The following HECW2 variants were observed in gnomAD, a reference collection of about 807,000 sequenced individuals.
The protein encoded by HECW2 is HECT, C2 and WW domain containing E3 ubiquitin protein ligase 2, also known as E3 ubiquitin-protein ligase HECW2.
Under a neutral mutation model 175.2 loss-of-function variants are expected in HECW2, and 61 were observed. That is an observed-to-expected ratio of 0.35 (90% CI 0.28 to 0.43). The LOEUF (loss-of-function observed/expected upper bound fraction) is 0.43. Among genes scored for constraint, HECW2 ranks in the 20% least tolerant of loss-of-function variants. The pLI is 1.00. For synonymous variants in HECW2, 671 were observed against 731.0 expected, an observed-to-expected ratio of 0.92 and a Z score of 1.32; for missense variants, 1,524 against 2,000.5, an observed-to-expected ratio of 0.76 and a Z score of 4.54.
chr2:196,394,674 A>G (rs1419884718), intron 2 of HECW2, among the ~76,000 whole-genome samples: 1 of 152,218 alleles, frequency 6.6e-6, no homozygotes, highest in Admixed American at 6.5e-5. Context: ...AGTTCAATAT[A>G]TCACAATACC....
intron 21 of HECW2, among the ~76,000 whole-genome samples, chr2:196,238,249 A>G (rs1688323190): frequency 6.6e-6 from 1 of 152,102 alleles, no homozygotes; most frequent in African/African-American, 2.4e-5. Flanking sequence ...ACAAAACAAA[A>G]CAAAAAAACA....
chr2:196,306,411 T>G, intron 13 of HECW2, 77 bp downstream of exon 13: 1 of 1,389,350 alleles, frequency 7.2e-7, no homozygotes, highest in Non-Finnish European at 9.9e-7. Context: ...TTATCATTCC[T>G]GCTATTACTA....
rs576543639 is a variant in HECW2 at position 196,232,609 on chromosome 2, G to A, written c.3765-4355C>T. 3.3e-5 allele frequency among the ~76,000 whole-genome samples: 5 copies of A among 152,274 alleles called. No homozygotes were observed. In the South Asian group the frequency reaches 1.0e-3, roughly 32 times the overall value. Reference sequence around the variant, plus strand: ...GAACAGGTTATACCAATCCCTGAAAGGTTGCTCAATTTGAAAACATTGTCA... The same window carrying A: ...GAACAGGTTATACCAATCCCTGAAAAGTTGCTCAATTTGAAAACATTGTCA... On this transcript the variant is annotated intron_variant, in intron 21 of 28. Coordinates refer to ENST00000644978, the MANE Select transcript of HECW2 (RefSeq NM_001348768.2).
chr2:196,460,305 AG>A (rs1475047253), intron 1 of HECW2, among the ~76,000 whole-genome samples: 1 of 152,200 alleles, frequency 6.6e-6, no homozygotes, highest in Non-Finnish European at 1.5e-5. Flanking sequence ...AACAGAAGAG[AG>A]GCATTTTTAT....
At chr2:196,587,379 T>G (rs1174068551) in intron 1 of HECW2, among the ~76,000 whole-genome samples, 1 of 152,368 alleles carries the variant, frequency 6.6e-6, no homozygotes, top group East Asian at 1.9e-4. Flanking sequence ...CATTGTCATA[T>G]TTCCATTTGC....
intron 1 of HECW2, among the ~76,000 whole-genome samples, chr2:196,563,155 G>C (rs989514514): frequency 6.6e-6 from 1 of 152,178 alleles, no homozygotes; most frequent in Admixed American, 6.5e-5. Flanking sequence ...ACTATAAGAA[G>C]AACTTTCCAT....
intron 1 of HECW2, among the ~76,000 whole-genome samples, chr2:196,477,358 C>T (rs903822434): frequency 2.6e-5 from 4 of 152,088 alleles, no homozygotes; most frequent in Non-Finnish European, 5.9e-5. Context: ...ATCAAAATTC[C>T]TTTATTAAAG....
rs542690061 is a variant in HECW2, at chr2:196,308,521, C to T, written c.2435-436G>A. ...AGCCTCATAGCTGGAGACTTCCACACGCATATTCATGCACAATTGTAGTAA... is the reference window on the plus strand; with the variant it reads ...AGCCTCATAGCTGGAGACTTCCACATGCATATTCATGCACAATTGTAGTAA... On this transcript the variant is annotated intron_variant, in intron 10 of 28. Coordinates refer to ENST00000644978, the MANE Select transcript of HECW2 (RefSeq NM_001348768.2). Among the ~76,000 whole-genome samples, 9 of 152,250 alleles carry T rather than the reference C, an allele frequency of 5.9e-5. No individual in the cohort carries two copies. The East Asian group carries it at 7.7e-4, about 13-fold the overall frequency.
intron 13 of HECW2, among the ~76,000 whole-genome samples, chr2:196,297,515 T>A (rs1173724343): frequency 1.3e-5 from 2 of 152,172 alleles, no homozygotes; most frequent in Non-Finnish European, 2.9e-5. Flanking sequence ...TAATAATCAA[T>A]CCCCTCTCCT....
chr2:196,553,514 T>A (rs572459766), intron 1 of HECW2, among the ~76,000 whole-genome samples: 2 of 152,300 alleles, frequency 1.3e-5, no homozygotes, highest in African/African-American at 4.8e-5. Context: ...AAGCAGAGCA[T>A]TACAAATGGT....
At chr2:196,359,737 G>T (rs190457503) in intron 2 of HECW2, among the ~76,000 whole-genome samples, 83 of 152,280 alleles carry the variant, frequency 5.5e-4, no homozygotes, top group African/African-American at 1.9e-3. Flanking sequence ...AAAGAAGGAG[G>T]TTACTCTTAT....
chr2:196,331,333 A>T (rs766391037), intron 4 of HECW2: 15 of 964,740 alleles, frequency 1.6e-5, no homozygotes, highest in Non-Finnish European at 1.7e-5. Context: ...CTGGCCAGAG[A>T]ACTAACTGCT....
At chr2:196,278,752 G>A in intron 14 of HECW2, 90 bp from the exon 15 acceptor site, 1 of 1,404,418 alleles carries the variant, frequency 7.1e-7, no homozygotes, top group South Asian at 1.2e-5. Context: ...ACTCACTTCT[G>A]AGTCACAATC....
At chr2:196,531,407 C>T (rs561424254) in intron 1 of HECW2, among the ~76,000 whole-genome samples, 1 of 152,184 alleles carries the variant, frequency 6.6e-6, no homozygotes, top group Non-Finnish European at 1.5e-5. Flanking sequence ...CCTGTAATCC[C>T]AACACTTTGG....
Position 196,271,224 on chromosome 2 carries a change from G to T in HECW2, c.3304C>A (p.Gln1102Lys). 6.2e-7 allele frequency: 1 copy of T among 1,610,588 alleles called. No homozygotes were observed. Among genetic ancestry groups the T allele is most frequent in the South Asian group, 1.1e-5 (1 of 90,988 alleles). ...GAGTGATTCCTGGTAAGATCAGGTT[G>T]ACGCTCCTGTAGAATTTCAAAGATA... Reference protein sequence around the residue: ...PNIFEILQERQPDLTRNHSLR... With the variant: ...PNIFEILQERKPDLTRNHSLR... The change falls in exon 17 of 29, where the codon CAA (glutamine) becomes AAA (lysine). Residue 1102 changes from glutamine (Q) to lysine (K), a missense_variant. This residue lies in a region of HECW2 where 291 missense variants were observed against 412.2 expected (regional missense o/e 0.71). Transcript: ENST00000644978.
intron 21 of HECW2, among the ~76,000 whole-genome samples, chr2:196,236,708 T>C (rs2105867822): frequency 6.6e-6 from 1 of 152,336 alleles, no homozygotes; most frequent in Middle Eastern, 3.4e-3. Flanking sequence ...AGTTGGGATT[T>C]TGTCTAACAT....
rs1313544647 is a variant in HECW2, at chr2:196,532,291, T to C, written c.-36+61217A>G. 3.3e-5 allele frequency among the ~76,000 whole-genome samples: 5 copies of C among 152,156 alleles called. No individual in the cohort carries two copies. In the East Asian group the frequency reaches 9.6e-4, roughly 29 times the overall value. On this transcript the variant is annotated intron_variant, in intron 1 of 28. Coordinates refer to ENST00000644978, the MANE Select transcript of HECW2 (RefSeq NM_001348768.2). The stretch of plus-strand genomic sequence containing the variant: ...GGCACATATACACCACGGAATACTA[T>C]GCAGCCATAAAAAAGGATGAGTTCA...
At chr2:196,210,732 G>A (rs926397838) in intron 28 of HECW2, among the ~76,000 whole-genome samples, 1 of 151,444 alleles carries the variant, frequency 6.6e-6, no homozygotes, top group Non-Finnish European at 1.5e-5. Context: ...TTCTGCCTCA[G>A]CCTCCCGAGT....
intron 1 of HECW2, among the ~76,000 whole-genome samples, chr2:196,498,507 T>C (rs1241582067): frequency 6.6e-6 from 1 of 152,204 alleles, no homozygotes; most frequent in Non-Finnish European, 1.5e-5. Flanking sequence ...TCGATTTTAC[T>C]GCTAAACTCA....
Sources: allele counts gnomAD v4.1 joint callset (sites outside exome capture counted in the v4.1 genomes callset), GRCh38; gene constraint gnomAD v4.1.1; regional missense constraint gnomAD v4.1.1; transcripts MANE v1.5; gene names NCBI Gene and HGNC (gene_info 2026-07-23, HGNC 2026-07-21).